The following LYPD6B variants were observed in gnomAD, a reference collection of about 807,000 sequenced individuals.
The protein encoded by LYPD6B is LY6/PLAUR domain containing 6B, also known as ly6/PLAUR domain-containing protein 6B.
A neutral mutation model predicts 22.8 loss-of-function variants in LYPD6B; 17 were observed. The ratio of observed to expected loss-of-function variants is 0.75; its 90% CI spans 0.51 to 1.12. The LOEUF (loss-of-function observed/expected upper bound fraction) is 1.12. LYPD6B is among the 50% of genes most tolerant of loss of function. The pLI is 0.00. For synonymous variants in LYPD6B, 106 were observed against 91.6 expected (o/e 1.16, Z -0.90); for missense variants, 221 against 258.3 (o/e 0.86, Z 0.99).
At chr2:149,180,735 G>A (rs1191288609) in intron 3 of LYPD6B, among the ~76,000 whole-genome samples, 3 of 152,236 alleles carry the variant, frequency 2.0e-5, no homozygotes, top group East Asian at 1.9e-4. Context: ...CTGGCTGTGT[G>A]TGCTGTCCTG....
At chr2:149,099,231 C>T (rs1235196828) in intron 1 of LYPD6B, among the ~76,000 whole-genome samples, 1 of 152,164 alleles carries the variant, frequency 6.6e-6, no homozygotes, top group African/African-American at 2.4e-5. Flanking sequence ...ACCCGAATTA[C>T]AGTAAATAAC....
intron 1 of LYPD6B, among the ~76,000 whole-genome samples, chr2:149,117,422 C>G (rs766839206): frequency 3.6e-4 from 55 of 152,100 alleles, no homozygotes; most frequent in Non-Finnish European, 6.3e-4. Flanking sequence ...AGGCGAGCAC[C>G]ACCATGCCTA....
At chr2:149,137,705 G>T (rs943878078) in intron 2 of LYPD6B, among the ~76,000 whole-genome samples, 2 of 151,938 alleles carry the variant, frequency 1.3e-5, no homozygotes, top group East Asian at 1.9e-4. Context: ...CATTTAGATT[G>T]TTTTCATTTT....
At position 149,119,931 on chromosome 2, in the gene LYPD6B, G is replaced by A. The variant is rs553872095; in HGVS notation, c.-66-10952G>A. On this transcript the variant is annotated intron_variant, in intron 1 of 6. Coordinates refer to ENST00000409642, the MANE Select transcript of LYPD6B (RefSeq NM_177964.5). ...GGTATAGTGAGGCATGTGGATGAAA[G>A]CAAAAAAAAAAATTTTGCACTCCTG... Among the ~76,000 whole-genome samples the A allele has an allele frequency of 2.6e-3, 398 of 151,304 alleles. 1 individual carries two copies. Among genetic ancestry groups the A allele is most frequent in the Non-Finnish European group, 4.7e-3 (317 of 67,742 alleles).
intron 3 of LYPD6B, among the ~76,000 whole-genome samples, chr2:149,188,253 GA>G (rs1692255091): frequency 6.6e-6 from 1 of 152,134 alleles, no homozygotes; most frequent in African/African-American, 2.4e-5. Flanking sequence ...TCCCCCCTGT[GA>G]TGCAAAGTAG....
chr2:149,201,924 A>T (rs1479574916), intron 3 of LYPD6B, among the ~76,000 whole-genome samples: 2 of 152,232 alleles, frequency 1.3e-5, no homozygotes, highest in Non-Finnish European at 2.9e-5. Context: ...GGATCATTAC[A>T]TATGTTGCTG....
intron 1 of LYPD6B, among the ~76,000 whole-genome samples, chr2:149,065,934 A>G (rs939692925): frequency 5.9e-5 from 9 of 151,664 alleles, no homozygotes; most frequent in African/African-American, 2.2e-4. Flanking sequence ...CTGGTTTGTA[A>G]CTCCTGAACT....
At chr2:149,058,253 A>G (rs1383018614) in intron 1 of LYPD6B, among the ~76,000 whole-genome samples, 1 of 152,152 alleles carries the variant, frequency 6.6e-6, no homozygotes, top group Non-Finnish European at 1.5e-5. Flanking sequence ...TGCACCAACA[A>G]CTGGGGTTCC....
At chr2:149,197,310 G>A (rs1392250864) in intron 3 of LYPD6B, among the ~76,000 whole-genome samples, 1 of 152,116 alleles carries the variant, frequency 6.6e-6, no homozygotes, top group Admixed American at 6.5e-5. Context: ...TCAAGAGATC[G>A]AGACCATCCT....
chr2:149,162,801 G>A (rs1690163626), intron 3 of LYPD6B, among the ~76,000 whole-genome samples: 1 of 152,104 alleles, frequency 6.6e-6, no homozygotes, highest in Non-Finnish European at 1.5e-5. Flanking sequence ...ACGTAACCAA[G>A]TCGTTTCTTG....
At chr2:149,111,528 G>T (rs568467736) in intron 1 of LYPD6B, among the ~76,000 whole-genome samples, 4 of 152,150 alleles carry the variant, frequency 2.6e-5, no homozygotes, top group Admixed American at 6.5e-5. Flanking sequence ...TTATTGTTGT[G>T]TGTCTCTTCA....
At chr2:149,177,551 A>G (rs923254011) in intron 3 of LYPD6B, among the ~76,000 whole-genome samples, 40 of 152,208 alleles carry the variant, frequency 2.6e-4, no homozygotes, top group Admixed American at 5.2e-4. Flanking sequence ...CAACTCATAC[A>G]TTGATTTTTG....
intron 1 of LYPD6B, chr2:149,077,545 G>A (rs1350706712): frequency 6.6e-6 from 1 of 152,206 alleles, no homozygotes; most frequent in Non-Finnish European, 1.5e-5. Context: ...GGACTTCAGA[G>A]TGTTTGTTTT....
At chr2:149,151,967 A>G (rs1434078216) in intron 2 of LYPD6B, among the ~76,000 whole-genome samples, 2 of 152,114 alleles carry the variant, frequency 1.3e-5, no homozygotes, top group Admixed American at 6.6e-5. Context: ...CTTTTTACAG[A>G]TGCTTTTGGT....
chr2:149,166,352 G>A (rs1690419888), intron 3 of LYPD6B, among the ~76,000 whole-genome samples: 1 of 152,140 alleles, frequency 6.6e-6, no homozygotes, highest in African/African-American at 2.4e-5. Context: ...CACCCTTGCA[G>A]CCATGAATAA....
chr2:149,064,323 A>G (rs572474205), intron 1 of LYPD6B, among the ~76,000 whole-genome samples: 108 of 152,334 alleles, frequency 7.1e-4, no homozygotes, highest in Admixed American at 2.5e-3. Context: ...GAATGAATCA[A>G]TGATTTACAA....
intron 3 of LYPD6B, among the ~76,000 whole-genome samples, chr2:149,174,742 G>C (rs573556218): frequency 6.6e-6 from 1 of 151,574 alleles, no homozygotes; most frequent in African/African-American, 2.4e-5. Context: ...TCTGTTGTTC[G>C]TGGTGGATTA....
At chr2:149,208,056 A>G (rs1693611464) in intron 4 of LYPD6B, among the ~76,000 whole-genome samples, 1 of 152,134 alleles carries the variant, frequency 6.6e-6, no homozygotes, top group African/African-American at 2.4e-5. Context: ...AATACTATGC[A>G]TCTTTCAAAG....
intron 2 of LYPD6B, among the ~76,000 whole-genome samples, chr2:149,154,510 A>G (rs1161298699): frequency 1.3e-5 from 2 of 152,126 alleles, no homozygotes; most frequent in African/African-American, 4.8e-5. Flanking sequence ...TTATTATAGC[A>G]GACCTAGGAA....
Sources: gnomAD v4.1 joint callset for allele counts (sites outside exome capture counted in the v4.1 genomes callset) on GRCh38, gnomAD v4.1.1 for gene constraint, MANE v1.5 for transcripts, NCBI Gene and HGNC (gene_info 2026-07-23, HGNC 2026-07-21) for gene names.